The following ACOX3 variants were observed in gnomAD, a reference collection of about 807,000 sequenced individuals.
The protein encoded by ACOX3 is acyl-CoA oxidase 3, pristanoyl, also known as peroxisomal acyl-coenzyme A oxidase 3.
Under a neutral mutation model 81.5 loss-of-function variants are expected in ACOX3, and 73 were observed. That is an observed-to-expected ratio of 0.90 (90% CI 0.74 to 1.09). The LOEUF (loss-of-function observed/expected upper bound fraction) is 1.09. ACOX3 is among the 50% of genes least tolerant of loss of function. ACOX3 has a pLI of 0.00. For missense variants in ACOX3, 947 were observed against 928.0 expected (o/e 1.02, Z -0.27); for synonymous variants, 387 against 375.1 (o/e 1.03, Z -0.37).
chr4:8,418,237 C>G (rs1722547187), intron 1 of ACOX3, among the ~76,000 whole-genome samples: 1 of 152,270 alleles, frequency 6.6e-6, no homozygotes, highest in East Asian at 1.9e-4. Context: ...ATAAACATCT[C>G]TTGTAATACA....
At chr4:8,390,178 A>G (rs1718818226) in intron 11 of ACOX3, among the ~76,000 whole-genome samples, 1 of 124,620 alleles carries the variant, frequency 8.0e-6, no homozygotes, top group African/African-American at 4.4e-5. Flanking sequence ...TCTCTATAAA[A>G]AATGAAAAAA....
chr4:8,365,548 C>G (rs539669685), downstream of ACOX3, among the ~76,000 whole-genome samples: 6 of 152,178 alleles, frequency 3.9e-5, no homozygotes, highest in Non-Finnish European at 8.8e-5. Context: ...TGTCTGCCTG[C>G]GGCAGTGTCC....
rs1338539331 is a variant in ACOX3, at chr4:8,414,803, G to C, written c.453+51C>G. ...TCTTCTCTTTTCACAAATCTCTACA[G>C]AGATCAAGCAAGAGAACCAGGCTCA... On this transcript the variant is annotated intron_variant, in intron 4 of 17. Coordinates refer to ENST00000356406, the MANE Select transcript of ACOX3 (RefSeq NM_003501.3). This position sits in a 1 kb window ranked among gnomAD's most constrained non-coding sequence, Gnocchi z 6.1. 6.4e-7 allele frequency: 1 copy of C among 1,561,424 alleles called. No homozygotes were observed. The highest frequency in any genetic ancestry group is 1.1e-5 in the South Asian group (1 of 89,936).
intron 14 of ACOX3, among the ~76,000 whole-genome samples, chr4:8,380,550 G>C (rs758022846): frequency 6.6e-6 from 1 of 152,146 alleles, no homozygotes; most frequent in Non-Finnish European, 1.5e-5. Context: ...CCTCATCCCA[G>C]GGCAGGTGTG....
rs1199844651 is a variant in ACOX3, at chr4:8,384,887, A to T, written c.1538-3280T>A. 6.6e-6 allele frequency among the ~76,000 whole-genome samples: 1 copy of T among 152,142 alleles called. No homozygotes were observed. On this transcript the variant is annotated intron_variant, in intron 13 of 17. Coordinates refer to ENST00000356406, the MANE Select transcript of ACOX3 (RefSeq NM_003501.3). The surrounding 1 kb of genome is among the most constrained non-coding windows in gnomAD (Gnocchi z 5.3). ...TGCTCCTGAATGGCCGGTGCTCCCC[A>T]AAAGCACAACGCACGGACCCTCTGA...
rs1724017434 is a variant in ACOX3, at chr4:8,432,538, T to C, written c.-15+8110A>G. 6.6e-6 allele frequency among the ~76,000 whole-genome samples: 1 copy of C among 152,104 alleles called. No individual in the cohort carries two copies. The highest frequency in any genetic ancestry group is 2.4e-5 in the African/African-American group (1 of 41,390). On this transcript the variant is annotated intron_variant, in intron 1 of 17. Coordinates refer to ENST00000356406, the MANE Select transcript of ACOX3 (RefSeq NM_003501.3). This position sits in a 1 kb window ranked among gnomAD's most constrained non-coding sequence, Gnocchi z 6.2. ...GTGAGCCACCGCGCCCGGCCTGATT[T>C]TTTTTTTTAATTATAAACCCAACAT...
At chr4:8,436,919 G>A (rs1724273446) in intron 1 of ACOX3, among the ~76,000 whole-genome samples, 1 of 144,892 alleles carries the variant, frequency 6.9e-6, no homozygotes, top group African/African-American at 2.6e-5. Flanking sequence ...GTGAACCTGG[G>A]AGGTGGAGTT....
chr4:8,389,249 G>C lies in ACOX3; in HGVS notation c.1461C>G (p.Asp487Glu), dbSNP rs1488723681. 1 of 1,613,742 alleles carries C rather than the reference G, an allele frequency of 6.2e-7. No individual in the cohort carries two copies. The highest frequency in any genetic ancestry group is 1.3e-5 in the African/African-American group (1 of 74,936). Residue 487 changes from aspartate to glutamate, a missense_variant, in exon 13 of 18, where the codon GAC becomes GAG. Asp to Glu is a conservative substitution (Grantham distance 45). Transcript: ENST00000356406. This position sits in a 1 kb window ranked among gnomAD's most constrained non-coding sequence, Gnocchi z 5.3. The part of the protein sequence containing the change: ...ACFRSPLKSV[D>E]FLDAYPGILD... ...GGATGCCGGGATAGGCGTCCAGAAA[G>C]TCCACTGACTTCAGCGGACTGCGGA... is the stretch of plus-strand genomic sequence containing the variant.
rs1403301670 is a variant in ACOX3 at position 8,396,985 on chromosome 4, A to C, written c.1008T>G (p.Phe336Leu). 1.2e-6 allele frequency: 2 copies of C among 1,612,046 alleles called. No homozygotes were observed. The highest frequency in any genetic ancestry group is 2.7e-5 in the African/African-American group (2 of 74,832). ...ALRFSATRRQFGPTEEEEIPV... is the reference protein window; with the variant it reads ...ALRFSATRRQLGPTEEEEIPV... ...GTATTTCCTCCTCCTCTGTGGGTCC[A>C]AACTGACGCCGAGTGGCTGAGAAGC... Residue 336 changes from phenylalanine (F) to leucine (L), a missense_variant, in exon 9 of 18, where the codon TTT becomes TTG. Coordinates refer to ENST00000356406, the MANE Select transcript of ACOX3 (RefSeq NM_003501.3).
chr4:8,370,670 C>T lies in ACOX3; in HGVS notation c.1983+238G>A, dbSNP rs970469401. On this transcript the variant is annotated intron_variant, in intron 17 of 17. Coordinates refer to ENST00000356406, the MANE Select transcript of ACOX3 (RefSeq NM_003501.3). This position sits in a 1 kb window ranked among gnomAD's most constrained non-coding sequence, Gnocchi z 6.3. The stretch of plus-strand genomic sequence containing the variant: ...GTGCAGGCGGGCAGTGCCACCACCC[C>T]ATCTCGGGAGGAAAAGGCAGGCAGG... Among the ~76,000 whole-genome samples the T allele has an allele frequency of 6.6e-6, 1 of 152,086 alleles. No homozygotes were observed. The highest frequency in any genetic ancestry group is 2.4e-5 in the African/African-American group (1 of 41,404).
At position 8,432,369 on chromosome 4, in the gene ACOX3, G is replaced by A. The variant is rs1724005411; in HGVS notation, c.-15+8279C>T. Among the ~76,000 whole-genome samples the A allele has an allele frequency of 6.6e-6, 1 of 151,854 alleles. No homozygotes were observed. The highest frequency in any genetic ancestry group is 1.5e-5 in the Non-Finnish European group (1 of 67,976). ...CTGCCTTAGCCTCCCGAGTAGCTGG[G>A]ACTACAGGCGCCCACCACCACGCCC... On this transcript the variant is annotated intron_variant, in intron 1 of 17. Coordinates refer to ENST00000356406, the MANE Select transcript of ACOX3 (RefSeq NM_003501.3). The surrounding 1 kb of genome is among the most constrained non-coding windows in gnomAD (Gnocchi z 6.2).
At chr4:8,395,493 T>C (rs1719594518) in intron 9 of ACOX3, among the ~76,000 whole-genome samples, 1 of 152,228 alleles carries the variant, frequency 6.6e-6, no homozygotes, top group Admixed American at 6.5e-5. Context: ...GTCTAACGTG[T>C]CAAGAGTGCT....
rs1723904195 is a variant in ACOX3 at position 8,430,675 on chromosome 4, G to A, written c.-15+9973C>T. On this transcript the variant is annotated intron_variant, in intron 1 of 17. Transcript: ENST00000356406. The surrounding 1 kb of genome is among the most constrained non-coding windows in gnomAD (Gnocchi z 5.2). Reference sequence around the variant, plus strand: ...GTTTGAGACCAGCCTGGCCAACATGGTGAAACCCCATCTCTACTAAAAATA... The same window carrying A: ...GTTTGAGACCAGCCTGGCCAACATGATGAAACCCCATCTCTACTAAAAATA... 1.3e-5 allele frequency among the ~76,000 whole-genome samples: 2 copies of A among 152,080 alleles called. No individual in the cohort carries two copies. Among genetic ancestry groups the A allele is most frequent in the African/African-American group, 2.4e-5 (1 of 41,404 alleles).
At chr4:8,377,156 G>A (rs530628387) in intron 14 of ACOX3, among the ~76,000 whole-genome samples, 2 of 152,270 alleles carry the variant, frequency 1.3e-5, no homozygotes, top group Admixed American at 6.5e-5. Context: ...CTCTCCTCTC[G>A]CCATGGGTCC....
chr4:8,416,509 C>T lies in ACOX3; in HGVS notation c.13G>A (p.Val5Met), dbSNP rs951255686. 1.2e-6 allele frequency: 2 copies of T among 1,607,512 alleles called. No homozygotes were observed. The highest frequency in any genetic ancestry group is 1.7e-6 in the Non-Finnish European group (2 of 1,176,272). ...AGCAGAGCTGTGTCGCCTCCTTCCA[C>T]AGTGGATGCCATCGCGTGATAAGAG... MAST[V>M]EGGDTALLPE... Residue 5 changes from valine to methionine, a missense_variant, in exon 2 of 18, where the codon GTG becomes ATG. Transcript: ENST00000356406. The surrounding 1 kb of genome is among the most constrained non-coding windows in gnomAD (Gnocchi z 4.2).
Position 8,389,388 on chromosome 4 carries a change from C to A in ACOX3, c.1424-102G>T. The A allele has an allele frequency of 1.5e-6, 2 of 1,321,650 alleles. No homozygotes were observed. The highest frequency in any genetic ancestry group is 1.3e-5 in the South Asian group (1 of 74,772). The allele number at this position is 1,321,650 out of a possible 1,614,324, so 81.9% of individuals were successfully genotyped here. ...AAAGCACAGAGAGTGTCCAGAGGAC[C>A]CGACGGCCACAGACCCACAGGCGAG... On this transcript the variant is annotated intron_variant, in intron 12 of 17. Transcript: ENST00000356406. This position sits in a 1 kb window ranked among gnomAD's most constrained non-coding sequence, Gnocchi z 5.3.
At chr4:8,360,875 C>A in the ACOX3 span, among the ~76,000 whole-genome samples, 34 of 152,076 alleles carry the variant, frequency 2.2e-4, no homozygotes, top group African/African-American at 7.0e-4. Context: ...TGGAGTCAGC[C>A]CCCTTATCTG....
chr4:8,401,332 A>G (rs1446075497), intron 7 of ACOX3, among the ~76,000 whole-genome samples: 3 of 152,252 alleles, frequency 2.0e-5, no homozygotes, highest in Admixed American at 2.0e-4. Flanking sequence ...ATCTATAAAG[A>G]ATAATCTCAC....
intron 16 of ACOX3, 66 bp from the exon 17 acceptor site, chr4:8,371,060 C>A (rs1716127876): frequency 3.3e-6 from 5 of 1,496,454 alleles, no homozygotes; most frequent in African/African-American, 1.4e-5. Context: ...CAAAGCATAA[C>A]AGCCCCGTGT....
Sources: allele counts gnomAD v4.1 joint callset (sites outside exome capture counted in the v4.1 genomes callset), GRCh38; gene constraint gnomAD v4.1.1; non-coding constraint Gnocchi (gnomAD v3.1); transcripts MANE v1.5; gene names NCBI Gene and HGNC (gene_info 2026-07-23, HGNC 2026-07-21).